The following TBC1D4 variants were observed in gnomAD, a reference collection of about 807,000 sequenced individuals.
TBC1D4 encodes the protein TBC1 domain family member 4, also known as TBC (Tre-2, BUB2, CDC16) domain-containing protein.
In TBC1D4, 121 loss-of-function variants were observed where a neutral mutation model predicts 142.5. That is an observed-to-expected ratio of 0.85 (90% CI 0.73 to 0.99). The LOEUF (loss-of-function observed/expected upper bound fraction) is 0.99, where lower values mean the gene tolerates loss of function less well. Among genes scored for constraint, TBC1D4 ranks in the 50% least tolerant of loss-of-function variants. TBC1D4 has a pLI of 0.00. For synonymous variants in TBC1D4, 630 were observed against 628.2 expected (o/e 1.00, Z -0.04); for missense variants, 1,475 against 1,606.6 (o/e 0.92, Z 1.40).
At chr13:75,382,683 T>G (rs1408291074) in intron 1 of TBC1D4, among the ~76,000 whole-genome samples, 1 of 152,224 alleles carries the variant, frequency 6.6e-6, no homozygotes, top group African/African-American at 2.4e-5. Context: ...AAACTCTATA[T>G]TTAGATCACA....
intron 1 of TBC1D4, among the ~76,000 whole-genome samples, chr13:75,441,562 A>G (rs953871130): frequency 5.3e-5 from 8 of 152,206 alleles, no homozygotes; most frequent in African/African-American, 1.7e-4. Context: ...AATATCTCTA[A>G]AAAGATTACT....
intron 11 of TBC1D4, among the ~76,000 whole-genome samples, chr13:75,322,857 C>G (rs376612494): frequency 1.2e-4 from 19 of 152,130 alleles, no homozygotes; most frequent in African/African-American, 4.1e-4. Flanking sequence ...TGGCTATTTC[C>G]TTTGAAATTT....
At chr13:75,301,542 G>A (rs1876547833) in intron 16 of TBC1D4, among the ~76,000 whole-genome samples, 1 of 152,136 alleles carries the variant, frequency 6.6e-6, no homozygotes, top group Middle Eastern at 3.4e-3. Context: ...CTACTCAGGA[G>A]GCTGAGGCAG....
chr13:75,403,609 T>C (rs908288305), intron 1 of TBC1D4, among the ~76,000 whole-genome samples: 6 of 152,242 alleles, frequency 3.9e-5, no homozygotes, highest in Non-Finnish European at 8.8e-5. Flanking sequence ...ACTATCATTC[T>C]GTATTTTCTT....
At chr13:75,442,782 A>C (rs1593890522) in intron 1 of TBC1D4, among the ~76,000 whole-genome samples, 2 of 151,762 alleles carry the variant, frequency 1.3e-5, no homozygotes, top group East Asian at 3.9e-4. Flanking sequence ...GGTTTCGGAA[A>C]AAAAAAAAAA....
At chr13:75,448,581 A>C (rs970672637) in intron 1 of TBC1D4, among the ~76,000 whole-genome samples, 5 of 150,284 alleles carry the variant, frequency 3.3e-5, no homozygotes, top group African/African-American at 1.0e-4. Context: ...AAAAAAAAAA[A>C]AACAATAACA....
At chr13:75,307,095 G>C (rs1182780391) in intron 14 of TBC1D4, among the ~76,000 whole-genome samples, 4 of 152,088 alleles carry the variant, frequency 2.6e-5, no homozygotes, top group African/African-American at 9.7e-5. Flanking sequence ...GGGTAGCTAG[G>C]ACTACAGGCA....
chr13:75,474,574 C>T (rs1888556363), intron 1 of TBC1D4, among the ~76,000 whole-genome samples: 2 of 150,998 alleles, frequency 1.3e-5, no homozygotes, highest in South Asian at 2.1e-4. Context: ...GAAAAGAAAA[C>T]AAGCTTTAGA....
chr13:75,471,835 T>G (rs1888414374), intron 1 of TBC1D4, among the ~76,000 whole-genome samples: 1 of 142,884 alleles, frequency 7.0e-6, no homozygotes, highest in South Asian at 2.3e-4. Flanking sequence ...GGCCAGGCAC[T>G]GTGGCTCACG....
At chr13:75,372,880 A>G (rs1401538201) in intron 1 of TBC1D4, among the ~76,000 whole-genome samples, 1 of 152,240 alleles carries the variant, frequency 6.6e-6, no homozygotes, top group Non-Finnish European at 1.5e-5. Flanking sequence ...ACTTGATGAC[A>G]TTTAATTTGC....
Position 75,481,358 on chromosome 13 carries a change from G to A in TBC1D4, c.410C>T (p.Thr137Ile). The A allele has an allele frequency of 1.9e-6, 3 of 1,613,950 alleles. No individual in the cohort carries two copies. The highest frequency in any genetic ancestry group is 2.5e-6 in the Non-Finnish European group (3 of 1,179,854). ...CGCCTTGATCAGGTAGGCAAAGTAGGTGAGGTCGTGGCTGTTGTGGATGAA... is the reference window on the plus strand; with the variant it reads ...CGCCTTGATCAGGTAGGCAAAGTAGATGAGGTCGTGGCTGTTGTGGATGAA... ...SRFIHNSHDL[T>I]YFAYLIKAQP... is the part of the protein sequence containing the mutation. Residue 137 changes from threonine to isoleucine, a missense_variant, in exon 1 of 21, where the codon ACC (threonine) becomes ATC (isoleucine). Thr to Ile is a moderately conservative substitution (Grantham distance 89). Transcript: ENST00000377636.
intron 1 of TBC1D4, among the ~76,000 whole-genome samples, chr13:75,439,106 G>A (rs7321970): frequency 6.6e-6 from 1 of 152,106 alleles, no homozygotes; most frequent in African/African-American, 2.4e-5. Flanking sequence ...GTTTGCCATA[G>A]ACAAAATCTC....
At chr13:75,471,107 T>C (rs1389118542) in intron 1 of TBC1D4, among the ~76,000 whole-genome samples, 1 of 151,926 alleles carries the variant, frequency 6.6e-6, no homozygotes, top group Non-Finnish European at 1.5e-5. Flanking sequence ...ACAGATTTAA[T>C]TATGTCATGT....
intron 13 of TBC1D4, 131 bp from the exon 14 acceptor site, chr13:75,310,282 G>C: frequency 1.1e-6 from 1 of 889,924 alleles, no homozygotes; most frequent in Non-Finnish European, 1.8e-6. Context: ...CTGTAACTTA[G>C]TTTCTGCAGC....
chr13:75,303,805 A>G (rs536467386), intron 15 of TBC1D4, among the ~76,000 whole-genome samples: 4 of 152,318 alleles, frequency 2.6e-5, no homozygotes, highest in South Asian at 2.1e-4. Flanking sequence ...TCCCTGATGT[A>G]TACTAGACGC....
chr13:75,410,503 AT>A (rs1453657202), intron 1 of TBC1D4, among the ~76,000 whole-genome samples: 1 of 152,230 alleles, frequency 6.6e-6, no homozygotes, highest in Non-Finnish European at 1.5e-5. Flanking sequence ...CACGTGCTGT[AT>A]TTGCTGAAGA....
chr13:75,361,527 G>A (rs973743358), intron 2 of TBC1D4, among the ~76,000 whole-genome samples: 3 of 151,988 alleles, frequency 2.0e-5, no homozygotes, highest in Non-Finnish European at 2.9e-5. Flanking sequence ...TTACAGGCAC[G>A]CCCCCACCAC....
At chr13:75,388,701 A>G (rs1390672828) in intron 1 of TBC1D4, among the ~76,000 whole-genome samples, 2 of 152,214 alleles carry the variant, frequency 1.3e-5, no homozygotes, top group Non-Finnish European at 2.9e-5. Flanking sequence ...TGATCAAAAT[A>G]CTTTTGACTT....
intron 5 of TBC1D4, among the ~76,000 whole-genome samples, chr13:75,342,728 T>C (rs182078235): frequency 2.1e-3 from 313 of 152,226 alleles, no homozygotes; most frequent in African/African-American, 7.3e-3. Context: ...GATTTCTCTT[T>C]CTTCAAAAGA....
Sources: gnomAD v4.1 joint callset for allele counts (sites outside exome capture counted in the v4.1 genomes callset) on GRCh38, gnomAD v4.1.1 for gene constraint, MANE v1.5 for transcripts, NCBI Gene and HGNC (gene_info 2026-07-23, HGNC 2026-07-21) for gene names.